CHGB: variants seen among roughly 807,000 people sequenced by gnomAD.
CHGB encodes secretogranin-1.
Under a neutral mutation model 69.9 loss-of-function variants are expected in CHGB, and 46 were observed. That is an observed-to-expected ratio of 0.66 (90% CI 0.52 to 0.84). The LOEUF is 0.84. Ranked by LOEUF, CHGB falls within the 40% of genes least tolerant of loss-of-function variation. The pLI, the probability that CHGB is intolerant of heterozygous loss-of-function variation, is 0.00. For synonymous variants in CHGB, 312 were observed against 298.2 expected (o/e 1.05, Z -0.48); for missense variants, 796 against 822.2 (o/e 0.97, Z 0.39).
Position 5,923,521 on chromosome 20 carries a change from T to A in CHGB, c.1377T>A (p.His459Gln). 1 of 1,614,038 alleles carries A rather than the reference T, an allele frequency of 6.2e-7. No individual in the cohort carries two copies. Among genetic ancestry groups the A allele is most frequent in the Non-Finnish European group, 8.5e-7 (1 of 1,180,016 alleles). ...QENQMDKARR[H>Q]PQGAWKELDR... is the part of the protein sequence containing the mutation. The stretch of plus-strand genomic sequence containing the variant: ...ACCAGATGGACAAGGCAAGGAGGCA[T>A]CCACAAGGTGCGTGGAAAGAGCTGG... The change falls in exon 4 of 5, where the codon CAT (histidine) becomes CAA (glutamine). Residue 459 changes from histidine to glutamine, a missense_variant. His to Gln is a conservative substitution (Grantham distance 24). Around this residue, in one of 3 missense-constraint regions of CHGB, gnomAD observed 274 missense variants for 298.9 expected, o/e 0.92. Transcript: ENST00000378961.
intron 3 of CHGB, among the ~76,000 whole-genome samples, chr20:5,920,430 C>T (rs1170627653): frequency 6.6e-6 from 1 of 151,698 alleles, no homozygotes; most frequent in Non-Finnish European, 1.5e-5. Flanking sequence ...TTATTTTTCA[C>T]AGTTACAGCA....
intron 1 of CHGB, chr20:5,914,488 A>G (rs2122566957): frequency 6.6e-6 from 1 of 152,322 alleles, no homozygotes; most frequent in Admixed American, 6.5e-5. Context: ...AGTAGTTAAT[A>G]AAAACATCTA....
chr20:5,923,683 A>C lies in CHGB; in HGVS notation c.1539A>C (p.Glu513Asp). The part of the protein sequence containing the change: ...DKQYSSHHTA[E>D]KRKRLGELFN... ...AATATAGCTCCCATCACACAGCTGA[A>C]AAGAGGAAGAGATTAGGGGAACTGT... The change falls in exon 4 of 5, where the codon GAA becomes GAC. Residue 513 changes from glutamate (E) to aspartate (D), a missense_variant. Physicochemically the swap from Glu to Asp is conservative, Grantham distance 45. Transcript: ENST00000378961. 1.2e-6 allele frequency: 2 copies of C among 1,614,168 alleles called. No homozygotes were observed. Among genetic ancestry groups the C allele is most frequent in the Non-Finnish European group, 1.7e-6 (2 of 1,180,040 alleles).
intron 3 of CHGB, chr20:5,917,216 T>C (rs569660524): frequency 2.8e-4 from 103 of 369,458 alleles, no homozygotes; most frequent in African/African-American, 1.9e-3. Flanking sequence ...TTAAATTCCT[T>C]AGTTCCATAC....
chr20:5,920,592 C>A (rs1157841574), intron 3 of CHGB, among the ~76,000 whole-genome samples: 1 of 152,180 alleles, frequency 6.6e-6, no homozygotes, highest in East Asian at 1.9e-4. Context: ...TGTAAGTGCT[C>A]TACCTTGATG....
intron 3 of CHGB, among the ~76,000 whole-genome samples, chr20:5,920,889 G>A (rs1468403888): frequency 6.6e-6 from 1 of 152,154 alleles, no homozygotes; most frequent in Admixed American, 6.5e-5. Context: ...TGCCAGACTG[G>A]ACTTTAAACA....
chr20:5,914,130 A>G (rs1159689754), intron 1 of CHGB, among the ~76,000 whole-genome samples: 2 of 151,748 alleles, frequency 1.3e-5, no homozygotes, highest in South Asian at 4.2e-4. Flanking sequence ...TTTTTTTCGT[A>G]TATACCTACA....
In CHGB at chr20:5,925,205, G is replaced by GT; in HGVS notation, c.*157dup. ...ACAATTGGAATTGTCTTTAATTTCT[G>GT]TCAGAATGCTATTGAAAATGTGAAT... On this transcript the variant is annotated 3_prime_UTR_variant, in exon 5 of 5. Coordinates refer to ENST00000378961, the MANE Select transcript of CHGB (RefSeq NM_001819.3). 2 of 522,220 alleles carry GT rather than the reference G, an allele frequency of 3.8e-6. No homozygotes were observed. Among genetic ancestry groups the GT allele is most frequent in the Non-Finnish European group, 3.4e-6 (1 of 294,684 alleles). The allele number at this position is 522,220 out of a possible 1,614,324, so 32.3% of individuals were successfully genotyped here.
At position 5,922,727 on chromosome 20, in the gene CHGB, CA is replaced by C. The variant is rs758038331; in HGVS notation, c.587del (p.Asn196ThrfsTer13). 7 of 1,614,078 alleles carry C rather than the reference CA, an allele frequency of 4.3e-6. No homozygotes were observed. In the East Asian group the frequency reaches 6.7e-5, roughly 15 times the overall value. ...ACACCTTGAAGAGCCAGGAGAGACA[CA>C]AAACGCTTTTCTCAATGAAAGAAAG... ...EKHLEEPGET[Q>X]NAFLNERKQA... On this transcript the variant is annotated frameshift_variant, in exon 4 of 5. Transcript: ENST00000378961. LOFTEE classifies it high-confidence loss of function.
At chr20:5,912,679 G>C (rs956181889) in intron 1 of CHGB, among the ~76,000 whole-genome samples, 2 of 151,856 alleles carry the variant, frequency 1.3e-5, no homozygotes, top group East Asian at 1.9e-4. Context: ...GTCACCTACC[G>C]GTATTGAGAT....
chr20:5,911,640 C>T lies in CHGB; in HGVS notation c.7C>T (p.Pro3Ser). The T allele has an allele frequency of 6.6e-7, 1 of 1,512,450 alleles. No individual in the cohort carries two copies. Among genetic ancestry groups the T allele is most frequent in the African/African-American group, 1.4e-5 (1 of 69,180 alleles). The allele number at this position is 1,512,450 out of a possible 1,614,324, so 93.7% of individuals were successfully genotyped here. Residue 3 changes from proline (P) to serine (S), a missense_variant, in exon 1 of 5, where the codon CCA (proline) becomes TCA (serine). Around this residue, in one of 3 missense-constraint regions of CHGB, gnomAD observed 518 missense variants for 506.3 expected, o/e 1.02. Transcript: ENST00000378961. The stretch of plus-strand genomic sequence containing the variant: ...GGGGCCGCCGAGCGGGGCCATGCAG[C>T]CAACGCTGCTTCTCAGCCTCCTGGG... Reference protein sequence around the residue: MQPTLLLSLLGAV... With the variant: MQSTLLLSLLGAV...
rs755573982 is a variant in CHGB at position 5,922,915 on chromosome 20, C to T, written c.771C>T (p.Pro257=). 13 of 1,613,132 alleles carry T rather than the reference C, an allele frequency of 8.1e-6. No individual in the cohort carries two copies. In the South Asian group the frequency reaches 1.1e-4, roughly 14 times the overall value. Reference sequence around the variant, plus strand: ...ACCCCCAGGAGTCTAAAGGCCAACCCCGAAGCCAGGAAGAATCTGAGGAAG... The same window carrying T: ...ACCCCCAGGAGTCTAAAGGCCAACCTCGAAGCCAGGAAGAATCTGAGGAAG... ...ENHPQESKGQ[P]RSQEESEEGE... The change falls in exon 4 of 5, where the codon CCC becomes CCT. Residue 257 remains proline, a synonymous_variant. Transcript: ENST00000378961.
intron 3 of CHGB, among the ~76,000 whole-genome samples, chr20:5,919,343 A>G (rs750018343): frequency 2.6e-5 from 4 of 152,240 alleles, no homozygotes; most frequent in Non-Finnish European, 5.9e-5. Flanking sequence ...TGGAGATGTT[A>G]TACCCAGAGA....
intron 3 of CHGB, among the ~76,000 whole-genome samples, chr20:5,918,406 A>AACAAAT (rs1286831407): frequency 5.9e-5 from 9 of 152,070 alleles, no homozygotes; most frequent in Admixed American, 3.9e-4. Context: ...CAAAAACAAA[A>AACAAAT]ACAAAAAAAA....
rs2088534383 is a variant in CHGB at position 5,923,958 on chromosome 20, C to T, written c.1814C>T (p.Ala605Val). 1 of 1,613,954 alleles carries T rather than the reference C, an allele frequency of 6.2e-7. No homozygotes were observed. The highest frequency in any genetic ancestry group is 1.7e-5 in the Admixed American group (1 of 60,002). The change falls in exon 4 of 5, where the codon GCC becomes GTC. Residue 605 changes from alanine to valine, a missense_variant. This residue lies in a region of CHGB where 274 missense variants were observed against 298.9 expected (regional missense o/e 0.92). Coordinates refer to ENST00000378961, the MANE Select transcript of CHGB (RefSeq NM_001819.3). Reference protein sequence around the residue: ...LDLKRQYDRVAQLDQLLHYRK... With the variant: ...LDLKRQYDRVVQLDQLLHYRK... ...CTGAAAAGGCAATATGACAGGGTGG[C>T]CCAACTGGACCAGCTCCTTCACTAC...
rs545987425 is a variant in CHGB at position 5,924,191 on chromosome 20, T to C, written c.1956+91T>C. Reference sequence around the variant, plus strand: ...CTATCCGATATTCACGGGGAGAAATTGGTGGGAATTAATCACTATGAAAAT... The same window carrying C: ...CTATCCGATATTCACGGGGAGAAATCGGTGGGAATTAATCACTATGAAAAT... On this transcript the variant is annotated intron_variant, in intron 4 of 4. Transcript: ENST00000378961. 2.9e-5 allele frequency: 42 copies of C among 1,445,550 alleles called. No homozygotes were observed. The African/African-American group carries it at 5.3e-4, about 18-fold the overall frequency. The allele number at this position is 1,445,550 out of a possible 1,614,324, so 89.5% of individuals were successfully genotyped here.
rs908435352 is a variant in CHGB, at chr20:5,916,487, T to A, written c.96+115T>A. The A allele has an allele frequency of 5.3e-5, 50 of 940,076 alleles. No homozygotes were observed. The African/African-American group carries it at 7.6e-4, about 14-fold the overall frequency. The allele number at this position is 940,076 out of a possible 1,614,324, so 58.2% of individuals were successfully genotyped here. ...GACATAATCTTACAAAGCCAGGTTT[T>A]CATTGCTGACAGAATGTGAGCAAGG... On this transcript the variant is annotated intron_variant, in intron 2 of 4. Coordinates refer to ENST00000378961, the MANE Select transcript of CHGB (RefSeq NM_001819.3).
chr20:5,921,118 T>G (rs1483733657), intron 3 of CHGB, among the ~76,000 whole-genome samples: 1 of 152,146 alleles, frequency 6.6e-6, no homozygotes, highest in Non-Finnish European at 1.5e-5. Context: ...TTTTATCCAA[T>G]TTTTTTCTGA....
At chr20:5,919,866 G>T (rs916669954) in intron 3 of CHGB, among the ~76,000 whole-genome samples, 1 of 152,186 alleles carries the variant, frequency 6.6e-6, no homozygotes, top group African/African-American at 2.4e-5. Flanking sequence ...CTCAGAGTCA[G>T]CATATACTCA....
Sources: gnomAD v4.1 joint callset for allele counts (sites outside exome capture counted in the v4.1 genomes callset) on GRCh38, gnomAD v4.1.1 for gene constraint, gnomAD v4.1.1 regional missense constraint, MANE v1.5 for transcripts, NCBI Gene and HGNC (gene_info 2026-07-23, HGNC 2026-07-21) for gene names.